The following MPZL1 variants were observed in gnomAD, a reference collection of about 807,000 sequenced individuals.
The protein encoded by MPZL1 is myelin protein zero-like protein 1.
A neutral mutation model predicts 29.3 loss-of-function variants in MPZL1; 16 were observed. The observed-to-expected ratio is 0.55, with a 90% CI of 0.37 to 0.83. MPZL1 has a LOEUF of 0.83. MPZL1 is among the 40% of genes least tolerant of loss of function. The pLI, the probability that MPZL1 is intolerant of heterozygous loss-of-function variation, is 0.00. For synonymous variants in MPZL1, 143 were observed against 132.0 expected (o/e 1.08, Z -0.57); for missense variants, 279 against 332.9 (o/e 0.84, Z 1.26).
At position 167,728,311 on chromosome 1, in the gene MPZL1, G is replaced by C. The variant is rs111638980; in HGVS notation, c.91+6069G>C. Among the ~76,000 whole-genome samples, 564 of 150,790 alleles carry C rather than the reference G, an allele frequency of 3.7e-3. 3 individuals carry two copies. The highest frequency in any genetic ancestry group is 0.013 in the African/African-American group (541 of 41,108). Reference sequence around the variant, plus strand: ...CCCAAAGTGCTGGGATTACAGGCGTGAGCCACCGTGCCCTGCCCAAATTTT... The same window carrying C: ...CCCAAAGTGCTGGGATTACAGGCGTCAGCCACCGTGCCCTGCCCAAATTTT... On this transcript the variant is annotated intron_variant, in intron 1 of 5. Coordinates refer to ENST00000359523, the MANE Select transcript of MPZL1 (RefSeq NM_003953.6).
At chr1:167,742,817 G>C (rs1030863978) in intron 1 of MPZL1, among the ~76,000 whole-genome samples, 6 of 152,092 alleles carry the variant, frequency 3.9e-5, no homozygotes, top group African/African-American at 1.2e-4. Flanking sequence ...TGTATAAGGT[G>C]AGAGATGAGG....
At chr1:167,743,924 C>G (rs1023436823) in intron 1 of MPZL1, among the ~76,000 whole-genome samples, 2 of 151,982 alleles carry the variant, frequency 1.3e-5, no homozygotes, top group Non-Finnish European at 2.9e-5. Flanking sequence ...ATTTCTCGGG[C>G]TAGGACTTCC....
chr1:167,757,630 T>G (rs1236048721), intron 1 of MPZL1, among the ~76,000 whole-genome samples: 2 of 152,208 alleles, frequency 1.3e-5, no homozygotes, highest in African/African-American at 2.4e-5. Context: ...TTCTAGTATG[T>G]TTTAAAAGGT....
chr1:167,752,823 A>C (rs1285239127), intron 1 of MPZL1, among the ~76,000 whole-genome samples: 2 of 152,236 alleles, frequency 1.3e-5, no homozygotes, highest in African/African-American at 4.8e-5. Flanking sequence ...AATAGTGCTT[A>C]TATGTTTCAT....
At position 167,777,348 on chromosome 1, in the gene MPZL1, G is replaced by A. The variant is rs146555957; in HGVS notation, c.708+1182G>A. Reference sequence around the variant, plus strand: ...AGAAACTGTGGTTTTCAAGACAGTGGAACACAAATTATGCAGCACTGTCAT... The same window carrying A: ...AGAAACTGTGGTTTTCAAGACAGTGAAACACAAATTATGCAGCACTGTCAT... On this transcript the variant is annotated intron_variant, in intron 5 of 5. Coordinates refer to ENST00000359523, the MANE Select transcript of MPZL1 (RefSeq NM_003953.6). 3.4e-3 allele frequency among the ~76,000 whole-genome samples: 513 copies of A among 152,268 alleles called. 12 individuals are homozygous for A. The highest frequency in any genetic ancestry group is 0.031 in the Admixed American group (475 of 15,294).
chr1:167,775,784 T>G (rs1661353138), intron 4 of MPZL1, among the ~76,000 whole-genome samples: 1 of 152,284 alleles, frequency 6.6e-6, no homozygotes, highest in Non-Finnish European at 1.5e-5. Context: ...GTAACTAGAA[T>G]TCCAATATGA....
At chr1:167,748,015 C>A (rs1197444812) in intron 1 of MPZL1, among the ~76,000 whole-genome samples, 1 of 152,174 alleles carries the variant, frequency 6.6e-6, no homozygotes, top group East Asian at 1.9e-4. Flanking sequence ...TTTCACTTAG[C>A]ATAACATTTT....
chr1:167,738,461 C>T (rs1464732048), intron 1 of MPZL1, among the ~76,000 whole-genome samples: 1 of 152,106 alleles, frequency 6.6e-6, no homozygotes, highest in Non-Finnish European at 1.5e-5. Context: ...CATTGCTGTA[C>T]TTTGTATTTT....
intron 1 of MPZL1, among the ~76,000 whole-genome samples, chr1:167,755,973 T>G (rs1417033342): frequency 1.3e-5 from 2 of 152,164 alleles, no homozygotes; most frequent in Non-Finnish European, 2.9e-5. Context: ...TAGAGTCAAG[T>G]GATTAGTTCA....
intron 1 of MPZL1, among the ~76,000 whole-genome samples, chr1:167,762,196 A>G (rs995896209): frequency 2.0e-5 from 3 of 152,104 alleles, no homozygotes; most frequent in Non-Finnish European, 2.9e-5. Flanking sequence ...TACTGCTGTC[A>G]TCTAGTAGAG....
intron 1 of MPZL1, among the ~76,000 whole-genome samples, chr1:167,731,751 C>CA (rs959540690): frequency 6.6e-4 from 89 of 134,918 alleles, no homozygotes; most frequent in South Asian, 1.2e-3. Flanking sequence ...AACTGTGTCT[C>CA]AAAAAAAAAA....
At chr1:167,778,523 AGGATGGATGGATGGAT>A (rs10666527) in intron 5 of MPZL1, among the ~76,000 whole-genome samples, 10 of 147,236 alleles carry the variant, frequency 6.8e-5, no homozygotes, top group South Asian at 2.2e-4. Flanking sequence ...GAAGGAAGGA[AGGATGGATGGATGGAT>A]GGATGGATGG....
Position 167,788,074 on chromosome 1 carries a change from T to C in MPZL1, c.*153T>C. The C allele has an allele frequency of 1.7e-6, 1 of 579,252 alleles. No homozygotes were observed. Among genetic ancestry groups the C allele is most frequent in the South Asian group, 2.4e-5 (1 of 41,810 alleles). The allele number at this position is 579,252 out of a possible 1,614,324, so 35.9% of individuals were successfully genotyped here. ...GGGAGAGAAAGATGTGTACAAAGGA[T>C]ATGTATAAATATTCTATTTAGTCAT... On this transcript the variant is annotated 3_prime_UTR_variant, in exon 6 of 6. Coordinates refer to ENST00000359523, the MANE Select transcript of MPZL1 (RefSeq NM_003953.6).
chr1:167,739,747 T>C (rs1034461292), intron 1 of MPZL1, among the ~76,000 whole-genome samples: 2 of 152,138 alleles, frequency 1.3e-5, no homozygotes, highest in African/African-American at 4.8e-5. Flanking sequence ...TCATTTGTCA[T>C]ATCCCTGTTA....
At chr1:167,782,090 A>T (rs1040255801) in intron 5 of MPZL1, among the ~76,000 whole-genome samples, 1 of 152,098 alleles carries the variant, frequency 6.6e-6, no homozygotes, top group Non-Finnish European at 1.5e-5. Context: ...TTTTCTGCAT[A>T]ATTTCTTCAT....
intron 1 of MPZL1, among the ~76,000 whole-genome samples, chr1:167,737,457 G>A (rs1660399463): frequency 6.6e-6 from 1 of 152,182 alleles, no homozygotes; most frequent in South Asian, 2.1e-4. Context: ...GAGGGGTGGT[G>A]TTCAATAAGA....
intron 2 of MPZL1, among the ~76,000 whole-genome samples, chr1:167,768,813 C>A (rs1403028688): frequency 2.0e-5 from 3 of 152,202 alleles, no homozygotes; most frequent in Non-Finnish European, 4.4e-5. Context: ...TGCTGAGAAA[C>A]AGCATCATGT....
intron 1 of MPZL1, among the ~76,000 whole-genome samples, chr1:167,757,221 T>C (rs1660887503): frequency 6.6e-6 from 1 of 152,180 alleles, no homozygotes; most frequent in South Asian, 2.1e-4. Context: ...GCAAGGCAGC[T>C]CTGTGCCTGT....
At chr1:167,728,109 G>A (rs9728611) in intron 1 of MPZL1, among the ~76,000 whole-genome samples, 7,454 of 147,104 alleles carry the variant, frequency 0.051, 621 homozygotes, top group African/African-American at 0.18. Flanking sequence ...GCGCCATCTC[G>A]GCTCATTGCA....
Sources: gnomAD v4.1 joint callset for allele counts (sites outside exome capture counted in the v4.1 genomes callset) on GRCh38, gnomAD v4.1.1 for gene constraint, MANE v1.5 for transcripts, NCBI Gene and HGNC (gene_info 2026-07-23, HGNC 2026-07-21) for gene names.